The following ARAP2 variants were observed in gnomAD, a reference collection of about 807,000 sequenced individuals.
ARAP2 encodes arf-GAP with Rho-GAP domain, ANK repeat and PH domain-containing protein 2.
In ARAP2, 148 loss-of-function variants were observed where a neutral mutation model predicts 194.5. That is an observed-to-expected ratio of 0.76 (90% CI 0.67 to 0.87). ARAP2 has a LOEUF of 0.87. Among genes scored for constraint, ARAP2 ranks in the 40% least tolerant of loss-of-function variants. The pLI, the probability that ARAP2 is intolerant of heterozygous loss-of-function variation, is 0.00. For synonymous variants in ARAP2, 695 were observed against 683.5 expected (o/e 1.02, Z -0.26); for missense variants, 2,128 against 1,989.7 (o/e 1.07, Z -1.32).
chr4:36,187,721 T>A, intron 7 of ARAP2, 150 bp from the exon 8 acceptor site: 1 of 519,380 alleles, frequency 1.9e-6, no homozygotes. Context: ...TCCACTCATA[T>A]TCTCATGTAA....
chr4:36,124,432 C>T (rs2109560655), intron 22 of ARAP2, among the ~76,000 whole-genome samples: 1 of 151,902 alleles, frequency 6.6e-6, no homozygotes, highest in Middle Eastern at 3.4e-3. Flanking sequence ...GACCTTCATG[C>T]CTTGACATAC....
intron 25 of ARAP2, 64 bp downstream of exon 25, chr4:36,116,997 T>A: frequency 9.1e-7 from 1 of 1,097,244 alleles, no homozygotes; most frequent in Non-Finnish European, 1.3e-6. Flanking sequence ...ATTCAAAATA[T>A]ATAAAATAAT....
chr4:36,196,647 A>G (rs1476509844), intron 6 of ARAP2, among the ~76,000 whole-genome samples: 2 of 152,196 alleles, frequency 1.3e-5, no homozygotes, highest in African/African-American at 4.8e-5. Flanking sequence ...GAGAAACCAC[A>G]GGGTGTAGCA....
At chr4:36,115,973 T>G (rs1224589711) in intron 25 of ARAP2, among the ~76,000 whole-genome samples, 1 of 151,984 alleles carries the variant, frequency 6.6e-6, no homozygotes, top group Non-Finnish European at 1.5e-5. Flanking sequence ...TAAAGAGCCT[T>G]TGTATAGATT....
rs572026972 is a variant in ARAP2 at position 36,183,387 on chromosome 4, C to T, written c.1678+4064G>A. ...AAAGCAGAACTGAGAGAATAACACA[C>T]GTGCATGTTTCCCACGGGGTCTAGA... On this transcript the variant is annotated intron_variant, in intron 8 of 32. Transcript: ENST00000303965. Among the ~76,000 whole-genome samples the T allele has an allele frequency of 5.9e-5, 9 of 152,010 alleles. No individual in the cohort carries two copies. The East Asian group carries it at 1.3e-3, about 23-fold the overall frequency.
intron 7 of ARAP2, among the ~76,000 whole-genome samples, chr4:36,189,627 GA>G (rs1490835963): frequency 6.6e-6 from 1 of 151,920 alleles, no homozygotes; most frequent in Non-Finnish European, 1.5e-5. Flanking sequence ...GATTCACTTT[GA>G]AAAAAGCTTC....
In ARAP2 at chr4:36,107,656, C is replaced by T. The variant is rs751104182; in HGVS notation, c.4194G>A (p.Gln1398=). The part of the protein sequence containing the change: ...PLHYKENVLE[Q]VLRWSSLAEP... ...CAGCTAATGAACTCCACCGAAGCAC[C>T]TGCTCCAGTACATTTTCCTTGTAGT... Residue 1398 remains glutamine (Q), a synonymous_variant, in exon 27 of 33, where the codon CAG becomes CAA. Coordinates refer to ENST00000303965, the MANE Select transcript of ARAP2 (RefSeq NM_015230.4). The T allele has an allele frequency of 1.6e-5, 25 of 1,610,072 alleles. No individual in the cohort carries two copies. In the African/African-American group the frequency reaches 3.2e-4, roughly 21 times the overall value.
rs546703433 is a variant in ARAP2, at chr4:36,060,276, G to A, written n.148-2133C>T. Among the ~76,000 whole-genome samples, 12 of 152,260 alleles carry A rather than the reference G, an allele frequency of 7.9e-5. No homozygotes were observed. The East Asian group carries it at 1.7e-3, about 22-fold the overall frequency. ...CAGATGTTATGAAAGATAGGGCATC[G>A]TTGCTGGAAGAGTGGCCTTGATATG... On this transcript the variant is annotated intron_variant and non_coding_transcript_variant, in intron 1 of 12. Coordinates refer to the ARAP2 transcript ENST00000503225.
At chr4:36,153,927 T>C (rs1288015773) in intron 15 of ARAP2, among the ~76,000 whole-genome samples, 3 of 152,172 alleles carry the variant, frequency 2.0e-5, no homozygotes, top group African/African-American at 7.2e-5. Flanking sequence ...TGTACCCTTT[T>C]CACTGGCACA....
At chr4:36,025,797 A>G (rs911154356) in intron 5 of ARAP2, among the ~76,000 whole-genome samples, 2 of 152,166 alleles carry the variant, frequency 1.3e-5, no homozygotes, top group African/African-American at 4.8e-5. Flanking sequence ...AAATCAAAAA[A>G]TGATCATTAT....
chr4:36,164,810 T>C (rs1375523420), intron 11 of ARAP2, 104 bp downstream of exon 11: 2 of 1,121,502 alleles, frequency 1.8e-6, no homozygotes, highest in Non-Finnish European at 2.6e-6. Flanking sequence ...TCTCTGGTTT[T>C]ACTTCTCATA....
chr4:36,156,635 T>G (rs1374970020), intron 15 of ARAP2, among the ~76,000 whole-genome samples: 1 of 152,150 alleles, frequency 6.6e-6, no homozygotes, highest in Non-Finnish European at 1.5e-5. Context: ...GTCAGGATGG[T>G]GACTGTGGCT....
At chr4:36,134,695 CCTTTA>C (rs1162605249) in intron 19 of ARAP2, among the ~76,000 whole-genome samples, 1 of 150,914 alleles carries the variant, frequency 6.6e-6, no homozygotes, top group Non-Finnish European at 1.5e-5. Context: ...CTGTCATTCT[CCTTTA>C]CTTAAGGTAC....
At chr4:36,030,033 G>A (rs776741126) in intron 5 of ARAP2, among the ~76,000 whole-genome samples, 2 of 151,374 alleles carry the variant, frequency 1.3e-5, no homozygotes, top group Non-Finnish European at 3.0e-5. Flanking sequence ...TAATTTTTTT[G>A]CCAAAATTTT....
chr4:36,100,308 C>G (rs567388231), intron 27 of ARAP2, among the ~76,000 whole-genome samples: 1 of 151,810 alleles, frequency 6.6e-6, no homozygotes, highest in African/African-American at 2.4e-5. Context: ...CAAGGAAATA[C>G]ACAACAAATT....
At chr4:36,035,415 A>T (rs1719735518) in intron 5 of ARAP2, among the ~76,000 whole-genome samples, 1 of 152,132 alleles carries the variant, frequency 6.6e-6, no homozygotes, top group Admixed American at 6.6e-5. Context: ...TATAAATTCT[A>T]TTATTGATGG....
chr4:36,151,888 T>C (rs921868412), intron 15 of ARAP2, among the ~76,000 whole-genome samples: 1 of 152,200 alleles, frequency 6.6e-6, no homozygotes, highest in Non-Finnish European at 1.5e-5. Context: ...TTGATACATC[T>C]GGGTAAAATG....
At chr4:36,086,489 A>T (rs1053156966) in intron 28 of ARAP2, among the ~76,000 whole-genome samples, 1 of 152,106 alleles carries the variant, frequency 6.6e-6, no homozygotes, top group Non-Finnish European at 1.5e-5. Flanking sequence ...TTTGAAACTG[A>T]ATATTCATAA....
chr4:36,196,910 CTTCTTA>C (rs1743235043), intron 6 of ARAP2, among the ~76,000 whole-genome samples: 1 of 151,470 alleles, frequency 6.6e-6, no homozygotes, highest in Admixed American at 6.6e-5. Context: ...TGGCTGGCTC[CTTCTTA>C]TTCTTGAGAG....
Sources: gnomAD v4.1 joint callset for allele counts (sites outside exome capture counted in the v4.1 genomes callset) on GRCh38, gnomAD v4.1.1 for gene constraint, MANE v1.5 for transcripts, NCBI Gene and HGNC (gene_info 2026-07-23, HGNC 2026-07-21) for gene names.